Variants in TFEC observed in about 807,000 individuals in gnomAD.
The protein encoded by TFEC is class E basic helix-loop-helix protein 34.
Under a neutral mutation model 41.6 loss-of-function variants are expected in TFEC, and 31 were observed. That is an observed-to-expected ratio of 0.74 (90% CI 0.56 to 1.01). The LOEUF (loss-of-function observed/expected upper bound fraction) is 1.01, where lower values mean the gene tolerates loss of function less well. Ranked by LOEUF, TFEC falls within the 50% of genes least tolerant of loss-of-function variation. The probability of loss-of-function intolerance (pLI) is 0.00; values close to 1 mark genes in which losing one functional copy is unlikely to be tolerated. For synonymous variants in TFEC, 143 were observed against 140.6 expected (o/e 1.02, Z -0.12); for missense variants, 402 against 404.1 (o/e 0.99, Z 0.04).
chr7:115,940,399 C>T lies in TFEC; in HGVS notation c.*152G>A, dbSNP rs985453738. The T allele has an allele frequency of 1.4e-5, 12 of 833,044 alleles. No individual in the cohort carries two copies. Among genetic ancestry groups the T allele is most frequent in the South Asian group, 7.4e-5 (3 of 40,332 alleles). 51.6% of individuals were successfully genotyped at this position (833,044 alleles called of 1,614,324 possible). A position where few individuals can be genotyped will look rare whatever the true frequency, so the allele number is the denominator to read the frequency against. On this transcript the variant is annotated 3_prime_UTR_variant, in exon 8 of 8. Coordinates refer to ENST00000265440, the MANE Select transcript of TFEC (RefSeq NM_012252.4). ...ATTAACACTATGATTTTTCTTCCTG[C>T]GAATTCTTCTGTTGCTTCTATCAGT...
chr7:115,995,346 A>G (rs1306658546), intron 1 of TFEC, among the ~76,000 whole-genome samples: 1 of 152,116 alleles, frequency 6.6e-6, no homozygotes, highest in Admixed American at 6.5e-5. Context: ...AAGTATATTA[A>G]AAAAAACAAA....
intron 3 of TFEC, among the ~76,000 whole-genome samples, chr7:116,078,766 T>C (rs920536735): frequency 2.6e-5 from 4 of 152,046 alleles, no homozygotes; most frequent in Admixed American, 1.3e-4. Flanking sequence ...CAATGAAGAA[T>C]TGGTACCCAT....
At chr7:116,117,183 T>C (rs1798009385) in intron 1 of TFEC, among the ~76,000 whole-genome samples, 1 of 151,820 alleles carries the variant, frequency 6.6e-6, no homozygotes, top group Non-Finnish European at 1.5e-5. Flanking sequence ...CTACTTCTCA[T>C]TTAATCTGCT....
rs775296442 is a variant in TFEC, at chr7:116,009,030, A to G, written c.-73+21603T>C. Among the ~76,000 whole-genome samples the G allele has an allele frequency of 1.6e-4, 24 of 152,306 alleles. 1 individual carries two copies. In the South Asian group the frequency reaches 2.1e-3, roughly 13 times the overall value. On this transcript the variant is annotated intron_variant, in intron 1 of 7. Transcript: ENST00000265440. ...TATTAAGCAGAGTTTTTCTAATTCAATGGTGTTCTAGCAGTAAAATTCTTG... is the reference window on the plus strand; with the variant it reads ...TATTAAGCAGAGTTTTTCTAATTCAGTGGTGTTCTAGCAGTAAAATTCTTG...
chr7:116,138,432 C>T (rs1584561720), intron 1 of TFEC, among the ~76,000 whole-genome samples: 1 of 152,164 alleles, frequency 6.6e-6, no homozygotes, highest in Non-Finnish European at 1.5e-5. Flanking sequence ...CATATAGGCC[C>T]TTGTTAGGGA....
At chr7:115,940,963 G>A in intron 7 of TFEC, 32 bp from the exon 8 acceptor site, 11 of 1,531,244 alleles carry the variant, frequency 7.2e-6, no homozygotes, top group Non-Finnish European at 8.8e-6. Context: ...ATTAAATAAT[G>A]TCTTTGAAAT....
intron 3 of TFEC, among the ~76,000 whole-genome samples, chr7:116,085,618 A>G (rs1797186519): frequency 6.6e-6 from 1 of 151,948 alleles, no homozygotes; most frequent in Non-Finnish European, 1.5e-5. Context: ...TCCAAAGTAT[A>G]AAATTATTGA....
chr7:116,040,036 G>A (rs1795999388), intron 3 of TFEC, among the ~76,000 whole-genome samples: 1 of 152,164 alleles, frequency 6.6e-6, no homozygotes, highest in Admixed American at 6.6e-5. Flanking sequence ...TGGACAAAGA[G>A]AGAGAGACAA....
chr7:115,984,024 A>G (rs1372725010), intron 2 of TFEC, among the ~76,000 whole-genome samples: 1 of 152,166 alleles, frequency 6.6e-6, no homozygotes, highest in Non-Finnish European at 1.5e-5. Context: ...ATTAGTGTCT[A>G]TTTTAATTCA....
intron 1 of TFEC, among the ~76,000 whole-genome samples, chr7:116,133,222 G>A (rs1180103039): frequency 1.3e-5 from 2 of 150,858 alleles, no homozygotes; most frequent in African/African-American, 2.5e-5. Flanking sequence ...CTACAAACGT[G>A]TTATGTACCA....
chr7:116,031,284 T>TTA (rs1281025062), upstream of TFEC, among the ~76,000 whole-genome samples: 2 of 152,138 alleles, frequency 1.3e-5, no homozygotes, highest in Admixed American at 6.5e-5. Context: ...AGGATAATTT[T>TTA]TATCTTGTCC....
chr7:115,953,942 C>T (rs551234835), intron 5 of TFEC, among the ~76,000 whole-genome samples: 3 of 152,182 alleles, frequency 2.0e-5, no homozygotes, highest in Admixed American at 6.6e-5. Flanking sequence ...GCTTCCAGAA[C>T]GAAAAGGCTT....
intron 3 of TFEC, among the ~76,000 whole-genome samples, chr7:116,046,102 G>T (rs1301254112): frequency 6.6e-6 from 1 of 152,102 alleles, no homozygotes; most frequent in Non-Finnish European, 1.5e-5. Context: ...AGGCAGAAGG[G>T]ACTTGCCTTG....
chr7:116,126,144 G>GA (rs919290544), intron 1 of TFEC, among the ~76,000 whole-genome samples: 9 of 151,504 alleles, frequency 5.9e-5, no homozygotes, highest in African/African-American at 2.2e-4. Flanking sequence ...AAGGTATAAG[G>GA]AAAAAAACTC....
At chr7:116,014,496 G>GA (rs756554738) in intron 1 of TFEC, among the ~76,000 whole-genome samples, 33 of 151,156 alleles carry the variant, frequency 2.2e-4, no homozygotes, top group Non-Finnish European at 4.0e-4. Context: ...CTTTAAAAAA[G>GA]AAAAAAAATT....
In TFEC at chr7:115,938,766, T is replaced by C. The variant is rs2130142292; in HGVS notation, c.*1785A>G. The C allele has an allele frequency of 6.6e-6, 1 of 151,980 alleles. No individual in the cohort carries two copies. Among genetic ancestry groups the C allele is most frequent in the African/African-American group, 2.4e-5 (1 of 41,518 alleles). The allele number at this position is 151,980 out of a possible 1,614,324, so 9.4% of individuals were successfully genotyped here. A position where few individuals can be genotyped will look rare whatever the true frequency, so the allele number is the denominator to read the frequency against. On this transcript the variant is annotated 3_prime_UTR_variant, in exon 8 of 8. Transcript: ENST00000265440. ...ACATCTCACTCATTAGTAATATATA[T>C]TTTAGTTTTTAGCATCCTCCCTGCT...
intron 1 of TFEC, chr7:116,159,680 C>A (rs1392280130): frequency 6.6e-6 from 1 of 152,100 alleles, no homozygotes; most frequent in East Asian, 1.9e-4. Flanking sequence ...AGTTAATAAT[C>A]TTAAACATTT....
chr7:116,038,592 T>A (rs1113295), intron 3 of TFEC, among the ~76,000 whole-genome samples: 37 of 151,910 alleles, frequency 2.4e-4, no homozygotes, highest in African/African-American at 8.0e-4. Context: ...CATCTCATGT[T>A]AGCATGCTAT....
At chr7:116,122,870 T>A (rs7457658) in intron 1 of TFEC, among the ~76,000 whole-genome samples, 68,997 of 151,774 alleles carry the variant, frequency 0.45, 16,213 homozygotes, top group East Asian at 0.7. Context: ...AGTGGATGAC[T>A]ACAATAAATG....
Sources: allele counts gnomAD v4.1 joint callset (sites outside exome capture counted in the v4.1 genomes callset), GRCh38; gene constraint gnomAD v4.1.1; transcripts MANE v1.5; gene names NCBI Gene and HGNC (gene_info 2026-07-23, HGNC 2026-07-21).